LRRC9: variants seen among roughly 807,000 people sequenced by gnomAD.
LRRC9 encodes leucine rich repeat containing 9, also known as leucine-rich repeat-containing protein 9.
Under a neutral mutation model 63.2 loss-of-function variants are expected in LRRC9, and 122 were observed. The ratio of observed to expected loss-of-function variants is 1.93; its 90% CI spans 1.67 to 2.24. The LOEUF (loss-of-function observed/expected upper bound fraction) is 2.24. LRRC9 is among the 30% of genes most tolerant of loss of function. LRRC9 has a pLI of 0.00. For missense variants in LRRC9, 1,071 were observed against 627.7 expected (o/e 1.71, Z -7.55); for synonymous variants, 366 against 213.1 (o/e 1.72, Z -6.25).
exon 18 of LRRC9, chr14:59,997,699 C>T: frequency 1.4e-6 from 1 of 702,206 alleles, no homozygotes; most frequent in Non-Finnish European, 2.6e-6. Flanking sequence ...CATGTGATAA[C>T]CCTTGAGGGA....
In LRRC9 at chr14:59,998,138, T is replaced by G. The variant is rs76778044; in HGVS notation, c.2403+291T>G. ...TTGCCATTTGCAAACCTCCAGATAT[T>G]TTATATAGTTCAGTGTGCCAGAACT... On this transcript the variant is annotated intron_variant, in intron 18 of 31. Coordinates refer to ENST00000445360, the Ensembl canonical transcript of LRRC9. Among the ~76,000 whole-genome samples the G allele has an allele frequency of 7.1e-3, 1,083 of 152,136 alleles. 9 individuals are homozygous for G. Among genetic ancestry groups the G allele is most frequent in the African/African-American group, 0.024 (1,016 of 41,548 alleles).
intron 29 of LRRC9, among the ~76,000 whole-genome samples, chr14:60,043,932 A>C (rs1893187987): frequency 6.6e-6 from 1 of 151,090 alleles, no homozygotes; most frequent in Admixed American, 6.6e-5. Context: ...TTCATCAGGT[A>C]CTGGGCTTTT....
chr14:59,937,365 T>C (rs138689104), intron 6 of LRRC9, among the ~76,000 whole-genome samples: 7 of 152,276 alleles, frequency 4.6e-5, no homozygotes, highest in African/African-American at 1.7e-4. Flanking sequence ...CCTTGGCTTA[T>C]AGACACAAGC....
chr14:59,994,337 C>T lies in LRRC9; in HGVS notation c.2212-3319C>T, dbSNP rs868163598. On this transcript the variant is annotated intron_variant, in intron 17 of 31. Transcript: ENST00000445360. The stretch of plus-strand genomic sequence containing the variant: ...TACCATCTCACACCAGTTAGAATGG[C>T]GATCATTAAAAAGTCAGGAAACAAC... Among the ~76,000 whole-genome samples the T allele has an allele frequency of 3.8e-3, 577 of 152,094 alleles. 2 individuals are homozygous for T. Among genetic ancestry groups the T allele is most frequent in the African/African-American group, 0.013 (528 of 41,494 alleles).
chr14:59,975,034 C>CATATATATATATATATAT (rs369719892), intron 13 of LRRC9, among the ~76,000 whole-genome samples: 31 of 81,040 alleles, frequency 3.8e-4, no homozygotes, highest in South Asian at 1.4e-3. Flanking sequence ...TGTGTCACAG[C>CATATATATATATATATAT]ATATATATAT....
rs887604295 is a variant in LRRC9, at chr14:59,958,246, C to T, written c.883-1572C>T. Among the ~76,000 whole-genome samples the T allele has an allele frequency of 7.9e-5, 12 of 152,324 alleles. No individual in the cohort carries two copies. Among genetic ancestry groups the T allele is most frequent in the Admixed American group, 5.9e-4 (9 of 15,304 alleles). On this transcript the variant is annotated intron_variant, in intron 8 of 31. Coordinates refer to ENST00000445360, the Ensembl canonical transcript of LRRC9. This position sits in a 1 kb window ranked among gnomAD's most constrained non-coding sequence, Gnocchi z 4.0. The stretch of plus-strand genomic sequence containing the variant: ...AAATCTGCTGCAGCTGTGCCCACAG[C>T]CACCCCTTCCACCAGGTGCTCTGTC...
chr14:60,026,957 C>G (rs1377336367), intron 27 of LRRC9, among the ~76,000 whole-genome samples: 5 of 151,974 alleles, frequency 3.3e-5, no homozygotes, highest in Non-Finnish European at 7.4e-5. Context: ...TTTAAAGACA[C>G]TTTCTCCAAA....
intron 1 of LRRC9, among the ~76,000 whole-genome samples, chr14:59,920,807 G>A (rs905141874): frequency 6.6e-6 from 1 of 152,198 alleles, no homozygotes; most frequent in African/African-American, 2.4e-5. Flanking sequence ...CATGGAGAAC[G>A]ATTATGTCTT....
At chr14:60,026,915 T>C (rs1417057422) in intron 27 of LRRC9, among the ~76,000 whole-genome samples, 1 of 152,052 alleles carries the variant, frequency 6.6e-6, no homozygotes, top group East Asian at 1.9e-4. Context: ...TTAATGCTCA[T>C]CCCAATGACC....
chr14:59,939,008 TA>T (rs1881420737), intron 7 of LRRC9, among the ~76,000 whole-genome samples: 1 of 114,408 alleles, frequency 8.7e-6, no homozygotes. Flanking sequence ...CATATACATA[TA>T]TACACATATA....
intron 17 of LRRC9, among the ~76,000 whole-genome samples, chr14:59,987,924 T>C (rs1157040328): frequency 6.6e-6 from 1 of 152,242 alleles, no homozygotes; most frequent in Non-Finnish European, 1.5e-5. Context: ...GTTTTCAAGA[T>C]AATGAATTTG....
intron 30 of LRRC9, chr14:60,057,630 C>T (rs1441200773): frequency 8.8e-6 from 2 of 228,078 alleles, no homozygotes; most frequent in African/African-American, 4.8e-5. Flanking sequence ...GCACTAGATT[C>T]TAGTGATGGT....
At chr14:60,055,311 G>GCAT (rs1894189011) in intron 30 of LRRC9, among the ~76,000 whole-genome samples, 2 of 152,144 alleles carry the variant, frequency 1.3e-5, no homozygotes, top group African/African-American at 4.8e-5. Flanking sequence ...CAAAACAAGT[G>GCAT]CATCATCTAA....
At chr14:60,064,069 T>A (rs951174114), downstream of LRRC9, among the ~76,000 whole-genome samples, 2 of 152,180 alleles carry the variant, frequency 1.3e-5, no homozygotes, top group Non-Finnish European at 2.9e-5. Flanking sequence ...AATCATTTAA[T>A]TACACCTACA....
At chr14:60,056,724 T>C (rs1894311439) in intron 30 of LRRC9, among the ~76,000 whole-genome samples, 1 of 152,196 alleles carries the variant, frequency 6.6e-6, no homozygotes, top group Admixed American at 6.6e-5. Context: ...AATTTTCTTT[T>C]AGATTCAACA....
At chr14:59,948,138 G>A (rs1386261495) in intron 8 of LRRC9, among the ~76,000 whole-genome samples, 1 of 104,464 alleles carries the variant, frequency 9.6e-6, no homozygotes, top group Non-Finnish European at 1.9e-5. Context: ...TCCTACCCAT[G>A]AGCATGGAAT....
At chr14:59,957,033 C>T (rs1883833426) in intron 8 of LRRC9, among the ~76,000 whole-genome samples, 1 of 152,168 alleles carries the variant, frequency 6.6e-6, no homozygotes, top group Non-Finnish European at 1.5e-5. Flanking sequence ...TGTAGGTAAC[C>T]TGACCTTTCT....
intron 29 of LRRC9, among the ~76,000 whole-genome samples, chr14:60,039,757 A>G (rs537317487): frequency 1.1e-4 from 17 of 150,704 alleles, no homozygotes; most frequent in African/African-American, 4.1e-4. Context: ...TTGTGTCTCT[A>G]TCTCCTTCAT....
intron 29 of LRRC9, among the ~76,000 whole-genome samples, chr14:60,032,656 G>A (rs560909397): frequency 3.9e-5 from 6 of 152,242 alleles, no homozygotes; most frequent in African/African-American, 1.4e-4. Flanking sequence ...TGACAATGGA[G>A]AGGCAAAAAT....
Sources: gnomAD v4.1 joint callset for allele counts (sites outside exome capture counted in the v4.1 genomes callset) on GRCh38, gnomAD v4.1.1 for gene constraint, Gnocchi (gnomAD v3.1) non-coding constraint, MANE v1.5 for transcripts, NCBI Gene and HGNC (gene_info 2026-07-23, HGNC 2026-07-21) for gene names.